The following SPTBN4 variants were observed in gnomAD, a reference collection of about 807,000 sequenced individuals.
SPTBN4 encodes the protein spectrin beta, non-erythrocytic 4.
Under a neutral mutation model 277.8 loss-of-function variants are expected in SPTBN4, and 96 were observed. The observed-to-expected ratio is 0.35, with a 90% CI of 0.29 to 0.41. SPTBN4 has a LOEUF of 0.41. Ranked by LOEUF, SPTBN4 falls within the 10% of genes least tolerant of loss-of-function variation. The pLI is 1.00. For missense variants in SPTBN4, 3,006 were observed against 3,595.7 expected, an observed-to-expected ratio of 0.84 and a Z score of 4.19; for synonymous variants, 1,481 against 1,580.3, an observed-to-expected ratio of 0.94 and a Z score of 1.49.
At chr19:40,487,393 C>T (rs1431301206) in intron 2 of SPTBN4, among the ~76,000 whole-genome samples, 8 of 150,668 alleles carry the variant, frequency 5.3e-5, no homozygotes, top group African/African-American at 1.5e-4. Flanking sequence ...TCGCCCAGGC[C>T]GGAGTGCAGT....
At chr19:40,493,841 C>T (rs937817856) in intron 5 of SPTBN4, among the ~76,000 whole-genome samples, 1 of 152,220 alleles carries the variant, frequency 6.6e-6, no homozygotes, top group African/African-American at 2.4e-5. Flanking sequence ...AGCCTGCTCT[C>T]TTCTCTCTCT....
chr19:40,555,897 A>G lies in SPTBN4; in HGVS notation c.5085-187A>G, dbSNP rs527893880. Among the ~76,000 whole-genome samples, 10 of 150,624 alleles carry G rather than the reference A, an allele frequency of 6.6e-5. No individual in the cohort carries two copies. In the East Asian group the frequency reaches 9.6e-4, roughly 15 times the overall value. On this transcript the variant is annotated intron_variant, in intron 24 of 35. Coordinates refer to ENST00000598249, the MANE Select transcript of SPTBN4 (RefSeq NM_020971.3). ...ACACCACTGCACTCCAGCCTGAGCA[A>G]CAGAGCAAGACCCTGTCTCCAAAAA...
At position 40,490,364 on chromosome 19, in the gene SPTBN4, T is replaced by C. The variant is rs2080123851; in HGVS notation, c.495+116T>C. On this transcript the variant is annotated intron_variant, in intron 4 of 35. Coordinates refer to ENST00000598249, the MANE Select transcript of SPTBN4 (RefSeq NM_020971.3). The surrounding 1 kb of genome is among the most constrained non-coding windows in gnomAD (Gnocchi z 4.3). Reference sequence around the variant, plus strand: ...AATATCCTAATATGCTGGAATCCTATTCCAGGTGTTAGGGATGAAAATAAT... The same window carrying C: ...AATATCCTAATATGCTGGAATCCTACTCCAGGTGTTAGGGATGAAAATAAT... The C allele has an allele frequency of 7.9e-7, 1 of 1,261,508 alleles. No homozygotes were observed. Among genetic ancestry groups the C allele is most frequent in the South Asian group, 1.6e-5 (1 of 63,850 alleles). The allele number at this position is 1,261,508 out of a possible 1,614,324, so 78.1% of individuals were successfully genotyped here. A position where few individuals can be genotyped will look rare whatever the true frequency, so the allele number is the denominator to read the frequency against.
At position 40,515,085 on chromosome 19, in the gene SPTBN4, AC is replaced by A. The variant is rs2080438197; in HGVS notation, c.2766-225del. ...GCGCCACTGCACTCCAGCCTGGGTG[AC>A]AGAGCGAGACTCTGTCTCAATACAT... On this transcript the variant is annotated intron_variant, in intron 14 of 35. Coordinates refer to ENST00000598249, the MANE Select transcript of SPTBN4 (RefSeq NM_020971.3). The surrounding 1 kb of genome is among the most constrained non-coding windows in gnomAD (Gnocchi z 4.1). Among the ~76,000 whole-genome samples, 1 of 152,166 alleles carries A rather than the reference AC, an allele frequency of 6.6e-6. No individual in the cohort carries two copies. Among genetic ancestry groups the A allele is most frequent in the South Asian group, 2.1e-4 (1 of 4,830 alleles).
rs747278161 is a variant in SPTBN4 at position 40,569,738 on chromosome 19, C to T, written c.7026+12C>T. The T allele has an allele frequency of 2.5e-6, 4 of 1,607,886 alleles. No homozygotes were observed. Among genetic ancestry groups the T allele is most frequent in the Non-Finnish European group, 3.4e-6 (4 of 1,177,900 alleles). On this transcript the variant is annotated intron_variant, in intron 32 of 35. Transcript: ENST00000598249. ...GGCTGCCTGCTGGGGTAAGTTGAGC[C>T]TCGGATGGGTGGGGATAGGAGGACC...
Position 40,489,228 on chromosome 19 carries a change from A to AAG in SPTBN4, c.322-846_322-845insGA, listed in dbSNP as rs1555810981. Among the ~76,000 whole-genome samples, 544 of 141,678 alleles carry AAG rather than the reference A, an allele frequency of 3.8e-3. 5 individuals carry two copies. Among genetic ancestry groups the AAG allele is most frequent in the African/African-American group, 0.014 (517 of 35,936 alleles). The allele number at this position is 141,678 out of a possible 152,430, so 92.9% of individuals were successfully genotyped here. On this transcript the variant is annotated intron_variant, in intron 3 of 35. Transcript: ENST00000598249. ...CAACAACAAAAGCCAAAAAAAAAAA[A>AAG]AAAGAAAGAAAAAAAAGAATAGATA...
intron 17 of SPTBN4, among the ~76,000 whole-genome samples, chr19:40,526,790 A>G (rs1310304412): frequency 6.6e-6 from 1 of 151,140 alleles, no homozygotes; most frequent in Non-Finnish European, 1.5e-5. Flanking sequence ...GTCTCACTAT[A>G]TTGCCCAGGG....
At chr19:40,530,329 C>A (rs375140863) in intron 18 of SPTBN4, among the ~76,000 whole-genome samples, 1 of 152,000 alleles carries the variant, frequency 6.6e-6, no homozygotes, top group Admixed American at 6.5e-5. Context: ...TCTGAGATGG[C>A]GCAGAAGCCC....
chr19:40,509,468 C>G (rs2080367195), intron 13 of SPTBN4, among the ~76,000 whole-genome samples: 1 of 152,134 alleles, frequency 6.6e-6, no homozygotes. Flanking sequence ...TGGTCTCAAA[C>G]TCTTGACCTC....
At chr19:40,558,946 T>TGA (rs2081013611) in intron 26 of SPTBN4, among the ~76,000 whole-genome samples, 4 of 147,298 alleles carry the variant, frequency 2.7e-5, no homozygotes, top group African/African-American at 1.0e-4. Flanking sequence ...ATTATTATTA[T>TGA]TATGAGGCAG....
At chr19:40,486,220 G>A (rs951053172) in intron 2 of SPTBN4, among the ~76,000 whole-genome samples, 1 of 152,150 alleles carries the variant, frequency 6.6e-6, no homozygotes, top group Non-Finnish European at 1.5e-5. Flanking sequence ...GAGGCTGGGA[G>A]GCAGAGGTTG....
intron 2 of SPTBN4, among the ~76,000 whole-genome samples, chr19:40,478,445 G>A (rs909305820): frequency 1.3e-5 from 2 of 152,154 alleles, no homozygotes; most frequent in African/African-American, 4.8e-5. Context: ...CAGGAGGATC[G>A]CTTGAGCCCA....
intron 13 of SPTBN4, among the ~76,000 whole-genome samples, chr19:40,506,793 C>T (rs920838594): frequency 4.6e-5 from 7 of 151,952 alleles, no homozygotes; most frequent in African/African-American, 1.7e-4. Context: ...GCCTGGCCAA[C>T]ATAGAAAGAC....
chr19:40,536,479 A>G (rs1258597625), intron 20 of SPTBN4, among the ~76,000 whole-genome samples: 9 of 151,974 alleles, frequency 5.9e-5, no homozygotes, highest in African/African-American at 1.7e-4. Flanking sequence ...CTCCCAAAGT[A>G]CTAGGATTAC....
chr19:40,519,347 C>T lies in SPTBN4; in HGVS notation c.2904-54C>T. 3 of 1,417,766 alleles carry T rather than the reference C, an allele frequency of 2.1e-6. No homozygotes were observed. The highest frequency in any genetic ancestry group is 2.8e-6 in the Non-Finnish European group (3 of 1,086,800). The allele number at this position is 1,417,766 out of a possible 1,614,324, so 87.8% of individuals were successfully genotyped here. ...TTCTACCCTGGGTCGGCGGGCCCTC[C>T]GCGCCCAAGAGGAGTCCCTGTCCTC... On this transcript the variant is annotated intron_variant, in intron 15 of 35. Coordinates refer to ENST00000598249, the MANE Select transcript of SPTBN4 (RefSeq NM_020971.3). The surrounding 1 kb of genome is among the most constrained non-coding windows in gnomAD (Gnocchi z 5.7).
chr19:40,504,147 G>GCC lies in SPTBN4; in HGVS notation c.1665+16_1665+17insCC. 1 of 1,047,656 alleles carries GCC rather than the reference G, an allele frequency of 9.5e-7. No homozygotes were observed. Among genetic ancestry groups the GCC allele is most frequent in the Non-Finnish European group, 1.4e-6 (1 of 706,042 alleles). 64.9% of individuals were successfully genotyped at this position (1,047,656 alleles called of 1,614,324 possible). On this transcript the variant is annotated intron_variant, in intron 12 of 35. Coordinates refer to ENST00000598249, the MANE Select transcript of SPTBN4 (RefSeq NM_020971.3). ...AGGAGATGCAGGTGCCGGCGGGGGGGCGGGGATGCGGGTGGAGTGCCAGGA... is the reference window on the plus strand; with the variant it reads ...AGGAGATGCAGGTGCCGGCGGGGGGGCCCGGGGATGCGGGTGGAGTGCCAGGA...
At chr19:40,501,853 A>C in intron 7 of SPTBN4, 68 bp from the exon 8 acceptor site, 3 of 1,353,762 alleles carry the variant, frequency 2.2e-6, no homozygotes. Context: ...CCATCCCTCC[A>C]TCCAATACCT....
At chr19:40,547,680 C>T (rs1173580301) in intron 20 of SPTBN4, among the ~76,000 whole-genome samples, 5 of 152,214 alleles carry the variant, frequency 3.3e-5, no homozygotes, top group Admixed American at 3.3e-4. Context: ...TCCACATCCT[C>T]TCCAGCATCT....
chr19:40,565,345 G>C, intron 27 of SPTBN4, 78 bp from the exon 28 acceptor site: 1 of 1,524,506 alleles, frequency 6.6e-7, no homozygotes, highest in Non-Finnish European at 8.8e-7. Context: ...AAGGATTTGG[G>C]GTCACCAGGA....
Sources: gnomAD v4.1 joint callset for allele counts (sites outside exome capture counted in the v4.1 genomes callset) on GRCh38, gnomAD v4.1.1 for gene constraint, Gnocchi (gnomAD v3.1) non-coding constraint, MANE v1.5 for transcripts, NCBI Gene and HGNC (gene_info 2026-07-23, HGNC 2026-07-21) for gene names.